Variants in SDK1 observed in about 807,000 individuals in gnomAD.
The protein encoded by SDK1 is sidekick cell adhesion molecule 1, also known as protein sidekick-1.
In SDK1, 157 loss-of-function variants were observed where a neutral mutation model predicts 245.5. That is an observed-to-expected ratio of 0.64 (90% CI 0.56 to 0.73). The LOEUF (loss-of-function observed/expected upper bound fraction) is 0.73. Among genes scored for constraint, SDK1 ranks in the 30% least tolerant of loss-of-function variants. The pLI is 0.00. For missense variants in SDK1, 3,583 were observed against 3,002.3 expected, an observed-to-expected ratio of 1.19 and a Z score of -4.52; for synonymous variants, 1,647 against 1,278.5, an observed-to-expected ratio of 1.29 and a Z score of -6.15.
chr7:3,753,087 A>G (rs1204733713), intron 4 of SDK1, among the ~76,000 whole-genome samples: 1 of 152,166 alleles, frequency 6.6e-6, no homozygotes. Flanking sequence ...TCACATCACT[A>G]AGATGGGTGA....
At chr7:3,755,565 A>C (rs1428469180) in intron 4 of SDK1, among the ~76,000 whole-genome samples, 3 of 152,102 alleles carry the variant, frequency 2.0e-5, no homozygotes, top group Admixed American at 2.0e-4. Context: ...ACCCCACACT[A>C]TTCACTCTTT....
chr7:3,505,492 C>T (rs1782365219), intron 1 of SDK1, among the ~76,000 whole-genome samples: 2 of 152,166 alleles, frequency 1.3e-5, no homozygotes, highest in Non-Finnish European at 2.9e-5. Context: ...CTCAAGCAAA[C>T]CTCCCACCTA....
chr7:3,995,021 C>T (rs937969542), intron 14 of SDK1, among the ~76,000 whole-genome samples: 1 of 152,158 alleles, frequency 6.6e-6, no homozygotes, highest in Admixed American at 6.5e-5. Flanking sequence ...CCCTAGGTTG[C>T]CAGCCCTACT....
At chr7:3,952,025 C>A in intron 7 of SDK1, 105 bp downstream of exon 7, 2 of 1,057,308 alleles carry the variant, frequency 1.9e-6, no homozygotes, top group Non-Finnish European at 1.4e-6. Flanking sequence ...TTATTTGTAA[C>A]TCGGCAAATG....
intron 30 of SDK1, among the ~76,000 whole-genome samples, chr7:4,151,924 G>C (rs141473344): frequency 2.6e-5 from 4 of 152,202 alleles, no homozygotes; most frequent in East Asian, 3.8e-4. Flanking sequence ...CACAGTCCAC[G>C]TCCTACAGTT....
intron 1 of SDK1, among the ~76,000 whole-genome samples, chr7:3,486,782 T>A (rs975089755): frequency 6.6e-6 from 1 of 152,184 alleles, no homozygotes; most frequent in Non-Finnish European, 1.5e-5. Flanking sequence ...TGTATTTTTT[T>A]AATTTGTAAA....
chr7:4,177,210 C>T (rs1333592482), intron 34 of SDK1, among the ~76,000 whole-genome samples: 1 of 152,302 alleles, frequency 6.6e-6, no homozygotes, highest in Middle Eastern at 3.4e-3. Context: ...GTCACGGAAG[C>T]TTTGCTGGGC....
At chr7:3,577,170 A>C (rs1191008334) in intron 1 of SDK1, among the ~76,000 whole-genome samples, 1 of 152,010 alleles carries the variant, frequency 6.6e-6, no homozygotes, top group African/African-American at 2.4e-5. Flanking sequence ...CTCCATCTGG[A>C]ATCGCAGACC....
chr7:4,226,648 C>T (rs1186226991), intron 40 of SDK1, among the ~76,000 whole-genome samples: 1 of 152,210 alleles, frequency 6.6e-6, no homozygotes, highest in African/African-American at 2.4e-5. Context: ...CTTCCACCAG[C>T]ATGGCCTGGC....
chr7:3,681,117 C>T (rs1184006559), intron 4 of SDK1, among the ~76,000 whole-genome samples: 4 of 152,206 alleles, frequency 2.6e-5, no homozygotes, highest in Non-Finnish European at 5.9e-5. Flanking sequence ...GCTGGGATTA[C>T]AGGCGTGAGC....
chr7:4,238,717 T>A (rs1786340832), intron 42 of SDK1, among the ~76,000 whole-genome samples: 1 of 151,556 alleles, frequency 6.6e-6, no homozygotes. Context: ...CCCGGCTAAT[T>A]TTGTATTTTT....
intron 5 of SDK1, among the ~76,000 whole-genome samples, chr7:3,833,794 A>C (rs1323204595): frequency 6.6e-6 from 1 of 152,226 alleles, no homozygotes; most frequent in Non-Finnish European, 1.5e-5. Context: ...TTTTACTTAC[A>C]GTGTTTGTAA....
chr7:4,073,558 C>A (rs1480003852), intron 20 of SDK1, among the ~76,000 whole-genome samples: 1 of 152,184 alleles, frequency 6.6e-6, no homozygotes, highest in Admixed American at 6.5e-5. Flanking sequence ...TGAAAAACAG[C>A]TTTTAAACAA....
intron 1 of SDK1, among the ~76,000 whole-genome samples, chr7:3,461,694 C>T (rs1023673071): frequency 6.6e-5 from 10 of 152,154 alleles, no homozygotes; most frequent in African/African-American, 2.4e-4. Flanking sequence ...CAACAGATGA[C>T]ATCACCTTAT....
Position 3,585,787 on chromosome 7 carries a change from G to C in SDK1, c.299-33293G>C, listed in dbSNP as rs1780667216. ...AAACGGGGGAGAAATCTAAAGACAGGTGTGCCACTTTTGCCTCTAAACATG... is the reference window on the plus strand; with the variant it reads ...AAACGGGGGAGAAATCTAAAGACAGCTGTGCCACTTTTGCCTCTAAACATG... On this transcript the variant is annotated intron_variant, in intron 1 of 44. Coordinates refer to ENST00000404826, the MANE Select transcript of SDK1 (RefSeq NM_152744.4). 2.6e-5 allele frequency among the ~76,000 whole-genome samples: 4 copies of C among 152,134 alleles called. No individual in the cohort carries two copies. The South Asian group carries it at 8.3e-4, about 32-fold the overall frequency.
chr7:3,767,979 C>G (rs1452484770), intron 4 of SDK1, among the ~76,000 whole-genome samples: 4 of 152,158 alleles, frequency 2.6e-5, no homozygotes, highest in Non-Finnish European at 4.4e-5. Flanking sequence ...CCTCATAACT[C>G]TAATACGTAG....
chr7:4,102,972 A>AT (rs1782659602), intron 22 of SDK1, among the ~76,000 whole-genome samples: 1 of 148,868 alleles, frequency 6.7e-6, no homozygotes, highest in Admixed American at 6.6e-5. Context: ...AAAAAAAAAA[A>AT]AAAAGCCGTT....
chr7:3,725,513 A>G (rs1361585512), intron 4 of SDK1, among the ~76,000 whole-genome samples: 1 of 152,208 alleles, frequency 6.6e-6, no homozygotes, highest in African/African-American at 2.4e-5. Context: ...TCCCCTTAAG[A>G]GAATATTAAT....
chr7:3,753,136 A>G (rs1431006960), intron 4 of SDK1, among the ~76,000 whole-genome samples: 2 of 152,316 alleles, frequency 1.3e-5, no homozygotes, highest in African/African-American at 4.8e-5. Context: ...GATGGCGGCA[A>G]TATTTTCAGG....
Sources: allele counts gnomAD v4.1 joint callset (sites outside exome capture counted in the v4.1 genomes callset), GRCh38; gene constraint gnomAD v4.1.1; transcripts MANE v1.5; gene names NCBI Gene and HGNC (gene_info 2026-07-23, HGNC 2026-07-21).